Variants in FAT1 observed in about 807,000 individuals in gnomAD.
FAT1 encodes the protein protocadherin Fat 1.
In FAT1, 171 loss-of-function variants were observed where a neutral mutation model predicts 329.8. That is an observed-to-expected ratio of 0.52 (90% CI 0.46 to 0.59). The LOEUF is 0.59. Among genes scored for constraint, FAT1 ranks in the 20% least tolerant of loss-of-function variants. FAT1 has a pLI of 0.00. For synonymous variants in FAT1, 2,233 were observed against 2,228.6 expected (o/e 1.00, Z -0.06); for missense variants, 5,672 against 5,774.4 (o/e 0.98, Z 0.57).
At chr4:186,641,022 A>G (rs1431156238) in intron 3 of FAT1, among the ~76,000 whole-genome samples, 1 of 152,216 alleles carries the variant, frequency 6.6e-6, no homozygotes, top group Non-Finnish European at 1.5e-5. Context: ...GACATTATTA[A>G]TCTAATTTAT....
intron 2 of FAT1, among the ~76,000 whole-genome samples, chr4:186,691,748 C>A (rs1057127677): frequency 2.0e-5 from 3 of 152,090 alleles, no homozygotes; most frequent in African/African-American, 7.2e-5. Flanking sequence ...TTCAAGGCTG[C>A]AGTAAGCCCT....
At chr4:186,595,533 C>T (rs1258837594) in intron 26 of FAT1, among the ~76,000 whole-genome samples, 156 bp downstream of exon 26, 1 of 152,180 alleles carries the variant, frequency 6.6e-6, no homozygotes. Context: ...CCCCAGCAGA[C>T]ATTCATGCAA....
chr4:186,663,489 C>T lies in FAT1; in HGVS notation c.3390G>A (p.Glu1130=), dbSNP rs759621329. 6.2e-7 allele frequency: 1 copy of T among 1,613,998 alleles called. No individual in the cohort carries two copies. The part of the protein sequence containing the change: ...SSFIEIYIEV[E]DVNDNAPQTS... ...TCTGTGGTGCATTGTCATTGACATC[C>T]TCAACCTCTATGTAGATCTCTATGA... The change falls in exon 3 of 27, where the codon GAG becomes GAA. Residue 1130 remains glutamate, a synonymous_variant. Coordinates refer to ENST00000441802, the MANE Select transcript of FAT1 (RefSeq NM_005245.4).
chr4:186,603,389 G>A lies in FAT1; in HGVS notation c.11137C>T (p.His3713Tyr), dbSNP rs1270215796. 1.2e-6 allele frequency: 2 copies of A among 1,613,880 alleles called. No homozygotes were observed. Among genetic ancestry groups the A allele is most frequent in the Non-Finnish European group, 1.7e-6 (2 of 1,179,894 alleles). ...SAQISTKQLL[H>Y]KINSSVTDIE... Reference sequence around the variant, plus strand: ...TCAGTCACGGAAGAGTTAATCTTGTGCAGAAGTTGTTTTGTTGAGATCTGA... The same window carrying A: ...TCAGTCACGGAAGAGTTAATCTTGTACAGAAGTTGTTTTGTTGAGATCTGA... Residue 3713 changes from histidine to tyrosine, a missense_variant, in exon 19 of 27, where the codon CAC becomes TAC. Physicochemically the swap from His to Tyr is moderately conservative, Grantham distance 83 (BLOSUM62 2). Transcript: ENST00000441802.
In FAT1 at chr4:186,618,583, A is replaced by G. The variant is rs1329265997; in HGVS notation, c.8003T>C (p.Phe2668Ser). 13 of 1,613,908 alleles carry G rather than the reference A, an allele frequency of 8.1e-6. No homozygotes were observed. The highest frequency in any genetic ancestry group is 1.7e-5 in the Admixed American group (1 of 60,010). Residue 2668 changes from phenylalanine (F) to serine (S), a missense_variant, in exon 10 of 27, where the codon TTC becomes TCC. Around this residue, in one of 2 missense-constraint regions of FAT1, gnomAD observed 3,966 missense variants for 3,915.2 expected, o/e 1.01. Coordinates refer to ENST00000441802, the MANE Select transcript of FAT1 (RefSeq NM_005245.4). ...KESLIGLENE[F>S]FTFFVRAVDN... ...CACAGCTCTAACAAAGAAAGTGAAG[A>G]ATTCATTTTCCAAGCCAATGAGGCT...
At chr4:186,634,433 T>C (rs563959589) in intron 6 of FAT1, among the ~76,000 whole-genome samples, 100 of 152,222 alleles carry the variant, frequency 6.6e-4, no homozygotes, top group African/African-American at 2.0e-3. Flanking sequence ...GACCTAGATA[T>C]AAAATGAAAT....
At chr4:186,624,956 T>C (rs1028017903) in intron 9 of FAT1, among the ~76,000 whole-genome samples, 2 of 152,212 alleles carry the variant, frequency 1.3e-5, no homozygotes, top group Admixed American at 1.3e-4. Flanking sequence ...TTACCAAAAC[T>C]ATAAAAATAG....
At chr4:186,667,630 C>T (rs143759305) in intron 2 of FAT1, among the ~76,000 whole-genome samples, 86 of 152,238 alleles carry the variant, frequency 5.6e-4, no homozygotes, top group African/African-American at 1.9e-3. Flanking sequence ...GAGGGCACAC[C>T]GAAGAATCTT....
rs1579336710 is a variant in FAT1 at position 186,621,144 on chromosome 4, T to G, written c.5442A>C (p.Pro1814=). The G allele has an allele frequency of 4.3e-6, 7 of 1,613,846 alleles. No individual in the cohort carries two copies. The highest frequency in any genetic ancestry group is 5.1e-6 in the Non-Finnish European group (6 of 1,179,912). The stretch of plus-strand genomic sequence containing the variant: ...CAATAGCAAAATATGTGTGTACAGA[T>G]GGTTCAACAATGTGATATACAAGCA... ...NALLVYHIVE[P]SVHTYFAIDS... Residue 1814 remains proline (P), a synonymous_variant, in exon 10 of 27, where the codon CCA becomes CCC. Coordinates refer to ENST00000441802, the MANE Select transcript of FAT1 (RefSeq NM_005245.4).
At chr4:186,665,870 G>T (rs1281683476) in intron 2 of FAT1, among the ~76,000 whole-genome samples, 1 of 152,072 alleles carries the variant, frequency 6.6e-6, no homozygotes, top group Non-Finnish European at 1.5e-5. Context: ...AAAAGGATGA[G>T]TTCATGTCCT....
rs762616856 is a variant in FAT1, at chr4:186,603,482, T to C, written c.11044A>G (p.Ser3682Gly). 3.1e-6 allele frequency: 5 copies of C among 1,613,990 alleles called. No individual in the cohort carries two copies. Among genetic ancestry groups the C allele is most frequent in the Non-Finnish European group, 4.2e-6 (5 of 1,179,886 alleles). ...GVRRNDIQIV[S>G]LQSSEPHPHL... is the part of the protein sequence containing the mutation. ...GGGTGAGGTTCAGAGGACTGCAAAC[T>C]AACAATCTGTATGTCGTTCCTCCTC... The change falls in exon 19 of 27, where the codon AGT (serine) becomes GGT (glycine). Residue 3682 changes from serine (S) to glycine (G), a missense_variant. Physicochemically the swap from Ser to Gly is moderately conservative, Grantham distance 56 (BLOSUM62 0). Transcript: ENST00000441802.
rs1739803040 is a variant in FAT1, at chr4:186,618,056, C to T, written c.8530G>A (p.Val2844Ile). The change falls in exon 10 of 27, where the codon GTT becomes ATT. Residue 2844 changes from valine (V) to isoleucine (I), a missense_variant. Val to Ile is a conservative substitution (Grantham distance 29). This residue lies in a region of FAT1 where 3,966 missense variants were observed against 3,915.2 expected (regional missense o/e 1.01). Transcript: ENST00000441802. Reference sequence around the variant, plus strand: ...TGTGACTGATCCAGGCTATACATAACTTGGCCGTTGGTTCCTGAGTCAGCA... The same window carrying T: ...TGTGACTGATCCAGGCTATACATAATTTGGCCGTTGGTTCCTGAGTCAGCA... ...SDADSGTNGQ[V>I]MYSLDQSQSV... 7 of 1,614,028 alleles carry T rather than the reference C, an allele frequency of 4.3e-6. No homozygotes were observed. The highest frequency in any genetic ancestry group is 1.1e-5 in the South Asian group (1 of 91,088).
chr4:186,599,191 G>T (rs1022294344), intron 22 of FAT1, among the ~76,000 whole-genome samples: 2 of 152,122 alleles, frequency 1.3e-5, no homozygotes, highest in African/African-American at 2.4e-5. Flanking sequence ...GGGATGGCCT[G>T]GCCCACTCTA....
chr4:186,624,964 T>C (rs1234952494), intron 9 of FAT1, among the ~76,000 whole-genome samples: 2 of 152,230 alleles, frequency 1.3e-5, no homozygotes, highest in African/African-American at 2.4e-5. Context: ...ACTATAAAAA[T>C]AGCATCTTAA....
At chr4:186,689,455 A>G (rs955391969) in intron 2 of FAT1, among the ~76,000 whole-genome samples, 8 of 152,182 alleles carry the variant, frequency 5.3e-5, no homozygotes, top group African/African-American at 1.9e-4. Flanking sequence ...ATTGAAAACA[A>G]AGTCTGATTT....
At chr4:186,616,883 C>T (rs1739737889) in intron 11 of FAT1, 122 bp downstream of exon 11, 2 of 836,114 alleles carry the variant, frequency 2.4e-6, no homozygotes, top group Non-Finnish European at 3.7e-6. Context: ...AACACCTCTG[C>T]TTAATCAGTA....
rs115161788 is a variant in FAT1 at position 186,710,174 on chromosome 4, G to A, written c.-18-329C>T. Among the ~76,000 whole-genome samples the A allele has an allele frequency of 1.8e-3, 276 of 152,152 alleles. 1 individual carries two copies. Among genetic ancestry groups the A allele is most frequent in the Non-Finnish European group, 2.0e-3 (139 of 68,006 alleles). On this transcript the variant is annotated intron_variant, in intron 1 of 26. Coordinates refer to ENST00000441802, the MANE Select transcript of FAT1 (RefSeq NM_005245.4). ...TAAGTTATATTTTTATATTTAAATC[G>A]TTAAGGCAAATATAAGCAACTGTTA...
intron 17 of FAT1, among the ~76,000 whole-genome samples, chr4:186,605,142 G>A (rs1354309348): frequency 1.3e-5 from 2 of 149,956 alleles, no homozygotes; most frequent in Non-Finnish European, 3.0e-5. Context: ...TTTGAAGCCA[G>A]GAGGTGGAGG....
At chr4:186,625,492 C>T (rs1028599287) in intron 9 of FAT1, among the ~76,000 whole-genome samples, 2 of 152,046 alleles carry the variant, frequency 1.3e-5, no homozygotes, top group African/African-American at 4.8e-5. Context: ...AATTACTCTC[C>T]ATTTCCTCAA....
Sources: allele counts gnomAD v4.1 joint callset (sites outside exome capture counted in the v4.1 genomes callset), GRCh38; gene constraint gnomAD v4.1.1; regional missense constraint gnomAD v4.1.1; transcripts MANE v1.5; gene names NCBI Gene and HGNC (gene_info 2026-07-23, HGNC 2026-07-21).